MYEF2: variants seen among roughly 807,000 people sequenced by gnomAD.
MYEF2 encodes myelin gene expression factor 2.
A neutral mutation model predicts 75.2 loss-of-function variants in MYEF2; 37 were observed. That is an observed-to-expected ratio of 0.49 (90% confidence interval 0.38 to 0.65). The LOEUF (loss-of-function observed/expected upper bound fraction) is 0.65. Among genes scored for constraint, MYEF2 ranks in the 30% least tolerant of loss-of-function variants. MYEF2 has a pLI of 0.00. For synonymous variants in MYEF2, 195 were observed against 241.6 expected, an observed-to-expected ratio of 0.81 and a Z score of 1.79; for missense variants, 634 against 771.4, an observed-to-expected ratio of 0.82 and a Z score of 2.11.
chr15:48,151,372 T>C, intron 13 of MYEF2, 101 bp downstream of exon 13: 2 of 1,197,464 alleles, frequency 1.7e-6, no homozygotes, highest in East Asian at 4.7e-5. Context: ...ATAAGTTGTA[T>C]AAAACATTAT....
chr15:48,163,229 A>T (rs2040013906), intron 5 of MYEF2, among the ~76,000 whole-genome samples: 2 of 152,170 alleles, frequency 1.3e-5, no homozygotes, highest in Non-Finnish European at 1.5e-5. Context: ...AACACAGAAG[A>T]TGCTTCTTGA....
chr15:48,143,286 G>A (rs1024150709), intron 16 of MYEF2, among the ~76,000 whole-genome samples: 11 of 151,960 alleles, frequency 7.2e-5, no homozygotes, highest in African/African-American at 2.7e-4. Context: ...TTGGAATCAG[G>A]AAAGATTTTC....
At chr15:48,159,433 CGT>C (rs745561921) in intron 6 of MYEF2, among the ~76,000 whole-genome samples, 178 bp downstream of exon 6, 86 of 150,258 alleles carry the variant, frequency 5.7e-4, no homozygotes, top group East Asian at 1.6e-3. Flanking sequence ...TAACCTTGTG[CGT>C]GTGTGTGTGT....
Position 48,142,895 on chromosome 15 carries a change from C to A in MYEF2, c.*13G>T, listed in dbSNP as rs1230879335. Reference sequence around the variant, plus strand: ...CAAAACAGATGTAGGAATGTTCCAACCATGGCTTGAAATTATGCATTACGA... The same window carrying A: ...CAAAACAGATGTAGGAATGTTCCAAACATGGCTTGAAATTATGCATTACGA... On this transcript the variant is annotated 3_prime_UTR_variant, in exon 17 of 17. Transcript: ENST00000324324. 1 of 1,586,116 alleles carries A rather than the reference C, an allele frequency of 6.3e-7. No homozygotes were observed. The highest frequency in any genetic ancestry group is 2.4e-5 in the East Asian group (1 of 42,394).
rs1342597596 is a variant in MYEF2 at position 48,149,017 on chromosome 15, C to T, written c.1639+15G>A. On this transcript the variant is annotated intron_variant, in intron 16 of 16. Transcript: ENST00000324324. This position sits in a 1 kb window ranked among gnomAD's most constrained non-coding sequence, Gnocchi z 4.0. The stretch of plus-strand genomic sequence containing the variant: ...TAATCAATATCAACATATCTGCAGT[C>T]ATTTGCATACTTACCACACTGACTG... The T allele has an allele frequency of 6.2e-7, 1 of 1,612,198 alleles. No individual in the cohort carries two copies. The highest frequency in any genetic ancestry group is 1.1e-5 in the South Asian group (1 of 90,958).
Position 48,142,117 on chromosome 15 carries a change from A to T in MYEF2, c.*791T>A, listed in dbSNP as rs1683949535. On this transcript the variant is annotated 3_prime_UTR_variant, in exon 17 of 17. Coordinates refer to ENST00000324324, the MANE Select transcript of MYEF2 (RefSeq NM_016132.5). Reference sequence around the variant, plus strand: ...GTATTCCATGGTTTATTAAAACTGCATTTATAAATGGATCAGCTCCTGCAG... The same window carrying T: ...GTATTCCATGGTTTATTAAAACTGCTTTTATAAATGGATCAGCTCCTGCAG... 1 of 1,613,746 alleles carries T rather than the reference A, an allele frequency of 6.2e-7. No individual in the cohort carries two copies.
At position 48,139,065 on chromosome 15, in the gene MYEF2, C is replaced by T. The variant is rs773729804; in HGVS notation, c.*3843G>A. ...ATTACATTACTTTTTCTAACCACAC[C>T]AGATTGTAGAAAAAAGTTTTGGAAA... On this transcript the variant is annotated 3_prime_UTR_variant, in exon 17 of 17. Transcript: ENST00000324324. 1 of 1,612,718 alleles carries T rather than the reference C, an allele frequency of 6.2e-7. No individual in the cohort carries two copies. The highest frequency in any genetic ancestry group is 1.3e-5 in the African/African-American group (1 of 74,974).
Position 48,137,092 on chromosome 15 carries a change from A to T in MYEF2, c.*5816T>A. 2 of 981,430 alleles carry T rather than the reference A, an allele frequency of 2.0e-6. No individual in the cohort carries two copies. The highest frequency in any genetic ancestry group is 1.5e-6 in the Non-Finnish European group (1 of 680,208). 60.8% of individuals were successfully genotyped at this position (981,430 alleles called of 1,614,324 possible). A position where few individuals can be genotyped will look rare whatever the true frequency, so the allele number is the denominator to read the frequency against. ...CTGTGAAGACTCAGAAATGATAAAGACCAAGTCCCTACCTTTAAGGAACTT... is the reference window on the plus strand; with the variant it reads ...CTGTGAAGACTCAGAAATGATAAAGTCCAAGTCCCTACCTTTAAGGAACTT... On this transcript the variant is annotated 3_prime_UTR_variant, in exon 17 of 17. Transcript: ENST00000324324.
intron 16 of MYEF2, among the ~76,000 whole-genome samples, chr15:48,147,598 TC>T (rs2039336787): frequency 6.6e-6 from 1 of 152,000 alleles, no homozygotes; most frequent in Non-Finnish European, 1.5e-5. Flanking sequence ...ATCTTCTTAC[TC>T]CTGCAAAGAA....
chr15:48,174,569 T>A (rs1218667570), intron 1 of MYEF2, among the ~76,000 whole-genome samples: 4 of 151,956 alleles, frequency 2.6e-5, no homozygotes, highest in Non-Finnish European at 5.9e-5. Flanking sequence ...GGGATTAATA[T>A]CAAAAATGTA....
At chr15:48,168,402 T>C (rs2040206827) in intron 2 of MYEF2, among the ~76,000 whole-genome samples, 1 of 152,294 alleles carries the variant, frequency 6.6e-6, no homozygotes, top group Non-Finnish European at 1.5e-5. Context: ...GTGGCATGCA[T>C]ATGCTGGCTC....
chr15:48,177,755 C>T (rs1444978315), intron 1 of MYEF2, among the ~76,000 whole-genome samples: 1 of 152,110 alleles, frequency 6.6e-6, no homozygotes, highest in African/African-American at 2.4e-5. Flanking sequence ...CAAACCGTGG[C>T]GGTCGCTGAG....
At chr15:48,159,464 A>G (rs1482412302) in intron 6 of MYEF2, 149 bp downstream of exon 6, 1 of 651,156 alleles carries the variant, frequency 1.5e-6, no homozygotes, top group Admixed American at 3.0e-5. Context: ...ATATGTATAT[A>G]CGTCAATTGA....
At chr15:48,166,064 C>T (rs749136355) in intron 4 of MYEF2, 38 bp from the exon 5 acceptor site, 4 of 1,574,100 alleles carry the variant, frequency 2.5e-6, no homozygotes, top group African/African-American at 2.7e-5. Context: ...TGTTTATGTG[C>T]TAATTTTTTT....
intron 16 of MYEF2, 137 bp from the exon 17 acceptor site, chr15:48,143,208 G>A: frequency 2.2e-6 from 1 of 460,078 alleles, no homozygotes; most frequent in Non-Finnish European, 3.5e-6. Flanking sequence ...AATAATATAA[G>A]CATTATATTT....
At chr15:48,148,097 G>T (rs1392423802) in intron 16 of MYEF2, among the ~76,000 whole-genome samples, 3 of 151,882 alleles carry the variant, frequency 2.0e-5, no homozygotes, top group Non-Finnish European at 4.4e-5. Flanking sequence ...TCTCTGTAGT[G>T]GCCACAAAGG....
Position 48,141,144 on chromosome 15 carries a change from G to T in MYEF2, c.*1764C>A. On this transcript the variant is annotated 3_prime_UTR_variant, in exon 17 of 17. Transcript: ENST00000324324. ...CACTAGAAATTCCCGATACAGTAAT[G>T]GGCCTTACTTTATTAGCAGCAGGAA... The T allele has an allele frequency of 1.2e-6, 2 of 1,613,700 alleles. No individual in the cohort carries two copies. Among genetic ancestry groups the T allele is most frequent in the Non-Finnish European group, 8.5e-7 (1 of 1,179,718 alleles).
Position 48,141,913 on chromosome 15 carries a change from A to G in MYEF2, c.*995T>C. On this transcript the variant is annotated 3_prime_UTR_variant, in exon 17 of 17. Transcript: ENST00000324324. ...TCAGTAAGACTTTTGCTCTAACAAC[A>G]ATTTTTCAAAACGAATCAACAACAA... The G allele has an allele frequency of 1.3e-6, 1 of 774,798 alleles. No homozygotes were observed. Among genetic ancestry groups the G allele is most frequent in the South Asian group, 3.0e-5 (1 of 33,010 alleles). The allele number at this position is 774,798 out of a possible 1,614,324, so 48.0% of individuals were successfully genotyped here.
intron 16 of MYEF2, 117 bp downstream of exon 16, chr15:48,148,915 G>C: frequency 1.0e-6 from 1 of 990,834 alleles, no homozygotes. Context: ...ACGCTATCAA[G>C]ACTATCCAGG....
Sources: gnomAD v4.1 joint callset for allele counts (sites outside exome capture counted in the v4.1 genomes callset) on GRCh38, gnomAD v4.1.1 for gene constraint, Gnocchi (gnomAD v3.1) non-coding constraint, MANE v1.5 for transcripts, NCBI Gene and HGNC (gene_info 2026-07-23, HGNC 2026-07-21) for gene names.